DNAJC5B: variants seen among roughly 807,000 people sequenced by gnomAD.
DNAJC5B encodes the protein DnaJ heat shock protein family (Hsp40) member C5 beta.
DNAJC5B carries 23 observed loss-of-function variants against 24.7 expected under a neutral mutation model. The observed-to-expected ratio is 0.93, with a 90% CI of 0.67 to 1.32. DNAJC5B has a LOEUF of 1.32. Among genes scored for constraint, DNAJC5B ranks in the 40% most tolerant of loss-of-function variants. DNAJC5B has a pLI of 0.00. For missense variants in DNAJC5B, 238 were observed against 240.8 expected (o/e 0.99, Z 0.08); for synonymous variants, 101 against 90.1 (o/e 1.12, Z -0.68).
intron 1 of DNAJC5B, among the ~76,000 whole-genome samples, chr8:66,022,103 A>G (rs1806140559): frequency 6.6e-6 from 1 of 152,236 alleles, no homozygotes; most frequent in South Asian, 2.1e-4. Flanking sequence ...AAATCTTGAA[A>G]GGCAAAAGGA....
chr8:66,051,395 T>C (rs1806840894), intron 2 of DNAJC5B, 136 bp from the exon 3 acceptor site: 6 of 628,246 alleles, frequency 9.6e-6, no homozygotes, highest in East Asian at 8.1e-5. Flanking sequence ...CTAACCCTTT[T>C]CTCCCCTCTT....
chr8:66,061,324 G>A (rs536583483), intron 3 of DNAJC5B, among the ~76,000 whole-genome samples: 13 of 152,292 alleles, frequency 8.5e-5, no homozygotes, highest in African/African-American at 2.9e-4. Flanking sequence ...GGAAAGACCT[G>A]AATTCAACTC....
chr8:66,033,828 T>G (rs1243533905), intron 1 of DNAJC5B, among the ~76,000 whole-genome samples: 2 of 149,736 alleles, frequency 1.3e-5, no homozygotes, highest in Non-Finnish European at 3.0e-5. Flanking sequence ...TTAGATGCCT[T>G]GAGAGCAATT....
chr8:66,022,686 A>C (rs987952662), intron 1 of DNAJC5B, among the ~76,000 whole-genome samples: 3 of 152,218 alleles, frequency 2.0e-5, no homozygotes, highest in Non-Finnish European at 4.4e-5. Flanking sequence ...CACAGCAGTA[A>C]GGTCAATACT....
At chr8:66,071,328 G>A (rs189994491) in intron 3 of DNAJC5B, among the ~76,000 whole-genome samples, 27 of 151,814 alleles carry the variant, frequency 1.8e-4, no homozygotes, top group African/African-American at 4.8e-4. Context: ...ATCCAGAATC[G>A]ACAAAGAACT....
chr8:66,052,045 A>G (rs1348788350), intron 3 of DNAJC5B, among the ~76,000 whole-genome samples: 1 of 151,580 alleles, frequency 6.6e-6, no homozygotes, highest in Non-Finnish European at 1.5e-5. Flanking sequence ...GCTCACTGCA[A>G]CCTCCGCCTC....
At chr8:66,079,513 T>G (rs1807544409) in intron 4 of DNAJC5B, among the ~76,000 whole-genome samples, 1 of 152,126 alleles carries the variant, frequency 6.6e-6, no homozygotes, top group Non-Finnish European at 1.5e-5. Context: ...GGTGGATATT[T>G]TGTTAGGTGA....
At chr8:66,074,645 G>T (rs995868877) in intron 3 of DNAJC5B, among the ~76,000 whole-genome samples, 1 of 152,260 alleles carries the variant, frequency 6.6e-6, no homozygotes, top group Admixed American at 6.5e-5. Context: ...TTTAACAATG[G>T]ATAGGTGCCT....
chr8:66,045,642 G>T (rs1419520418), intron 2 of DNAJC5B, among the ~76,000 whole-genome samples: 1 of 152,072 alleles, frequency 6.6e-6, no homozygotes, highest in African/African-American at 2.4e-5. Flanking sequence ...GCTCCAGGCT[G>T]TTTCCAGGAC....
chr8:66,047,471 C>T (rs935948790), intron 2 of DNAJC5B, among the ~76,000 whole-genome samples: 5 of 152,206 alleles, frequency 3.3e-5, no homozygotes, highest in Non-Finnish European at 7.3e-5. Flanking sequence ...TAGCTTCTTC[C>T]TGATCCAGCA....
upstream of DNAJC5B, among the ~76,000 whole-genome samples, chr8:66,019,111 T>C (rs1806040005): frequency 6.6e-6 from 1 of 152,200 alleles, no homozygotes; most frequent in South Asian, 2.1e-4. Context: ...ATGTACAGTA[T>C]TGAGTATGCT....
chr8:66,097,896 C>T (rs1035696922), intron 5 of DNAJC5B, among the ~76,000 whole-genome samples: 1 of 152,102 alleles, frequency 6.6e-6, no homozygotes, highest in African/African-American at 2.4e-5. Flanking sequence ...GTCACCCAGG[C>T]TGGAGTGCAG....
intron 1 of DNAJC5B, among the ~76,000 whole-genome samples, chr8:66,036,330 G>T (rs967036354): frequency 6.6e-6 from 1 of 152,176 alleles, no homozygotes; most frequent in African/African-American, 2.4e-5. Context: ...GCTGAACAGC[G>T]AATGGAGTGG....
In DNAJC5B at chr8:66,073,202, A is replaced by C. The variant is rs1426620934; in HGVS notation, c.120-3458A>C. Among the ~76,000 whole-genome samples, 4 of 152,278 alleles carry C rather than the reference A, an allele frequency of 2.6e-5. 1 individual carries two copies. The South Asian group carries it at 8.3e-4, about 32-fold the overall frequency. ...GTTGGAAGAATAAAAAAATCAACAT[A>C]CAACAATTATTTCAAACATAAAAAT... is the stretch of plus-strand genomic sequence containing the variant. On this transcript the variant is annotated intron_variant, in intron 3 of 5. Coordinates refer to ENST00000276570, the MANE Select transcript of DNAJC5B (RefSeq NM_033105.6).
chr8:66,044,885 GT>G (rs1201198403), intron 2 of DNAJC5B, among the ~76,000 whole-genome samples: 1 of 152,000 alleles, frequency 6.6e-6, no homozygotes, highest in East Asian at 1.9e-4. Flanking sequence ...AATTCAAAAG[GT>G]TACAGAAAAA....
intron 3 of DNAJC5B, among the ~76,000 whole-genome samples, chr8:66,061,464 G>A (rs545447026): frequency 1.3e-5 from 2 of 152,250 alleles, no homozygotes; most frequent in East Asian, 3.9e-4. Flanking sequence ...GGTACTGGGT[G>A]CTACAAAGGA....
chr8:66,063,959 G>C (rs1807136535), intron 3 of DNAJC5B, among the ~76,000 whole-genome samples: 1 of 152,080 alleles, frequency 6.6e-6, no homozygotes, highest in African/African-American at 2.4e-5. Context: ...ATCTTCTCCA[G>C]CAATGCTGGC....
chr8:66,076,483 G>A (rs1807465122), intron 3 of DNAJC5B, among the ~76,000 whole-genome samples, 177 bp from the exon 4 acceptor site: 1 of 152,122 alleles, frequency 6.6e-6, no homozygotes, highest in Non-Finnish European at 1.5e-5. Context: ...CTGTGCATTC[G>A]AACCAAGGGA....
intron 4 of DNAJC5B, among the ~76,000 whole-genome samples, chr8:66,080,089 C>T (rs1349889493): frequency 6.6e-6 from 1 of 152,134 alleles, no homozygotes; most frequent in Non-Finnish European, 1.5e-5. Flanking sequence ...TAGTAATGAT[C>T]ACCATATAGC....
Sources: gnomAD v4.1 joint callset for allele counts (sites outside exome capture counted in the v4.1 genomes callset) on GRCh38, gnomAD v4.1.1 for gene constraint, MANE v1.5 for transcripts, NCBI Gene and HGNC (gene_info 2026-07-23, HGNC 2026-07-21) for gene names.